The following NRP2 variants were observed in gnomAD, a reference collection of about 807,000 sequenced individuals.
NRP2 encodes the protein neuropilin 2, also known as neuropilin-2.
NRP2 carries 52 observed loss-of-function variants against 110.4 expected under a neutral mutation model. The observed-to-expected ratio is 0.47, with a 90% confidence interval of 0.38 to 0.59. NRP2 has a LOEUF of 0.59. Among genes scored for constraint, NRP2 ranks in the 20% least tolerant of loss-of-function variants. The probability of loss-of-function intolerance (pLI) is 0.00; values close to 1 mark genes in which losing one functional copy is unlikely to be tolerated. For missense variants in NRP2, 1,049 were observed against 1,203.0 expected, an observed-to-expected ratio of 0.87 and a Z score of 1.89; for synonymous variants, 508 against 468.9, an observed-to-expected ratio of 1.08 and a Z score of -1.08.
At chr2:205,784,113 A>T (rs2058209674) in intron 15 of NRP2, among the ~76,000 whole-genome samples, 1 of 152,198 alleles carries the variant, frequency 6.6e-6, no homozygotes, top group South Asian at 2.1e-4. Context: ...CTGCTCCAGA[A>T]TTGGAATGAT....
At chr2:205,791,068 A>G (rs2058296030) in intron 15 of NRP2, among the ~76,000 whole-genome samples, 1 of 152,226 alleles carries the variant, frequency 6.6e-6, no homozygotes, top group Admixed American at 6.5e-5. Context: ...CTGAATTTCA[A>G]ATGTGACAGT....
intron 2 of NRP2, among the ~76,000 whole-genome samples, chr2:205,708,608 G>C (rs970263615): frequency 6.6e-6 from 1 of 152,170 alleles, no homozygotes; most frequent in Admixed American, 6.5e-5. Flanking sequence ...CACCATCATC[G>C]CAGGGCCTTT....
At chr2:205,728,650 G>A (rs1294922963) in intron 7 of NRP2, among the ~76,000 whole-genome samples, 2 of 152,218 alleles carry the variant, frequency 1.3e-5, no homozygotes, top group East Asian at 3.8e-4. Flanking sequence ...GGTGATGTGG[G>A]GCTTTTGTTG....
chr2:205,752,991 G>A lies in NRP2; in HGVS notation c.2044+16G>A, dbSNP rs1432638269. 3.1e-6 allele frequency: 5 copies of A among 1,612,674 alleles called. No individual in the cohort carries two copies. The highest frequency in any genetic ancestry group is 4.2e-6 in the Non-Finnish European group (5 of 1,179,938). The stretch of plus-strand genomic sequence containing the variant: ...ACGTTTCCAGGTAAGCCAGCTGTGA[G>A]TGAAGATATGAAAGAGTTAAGGCCA... On this transcript the variant is annotated intron_variant, in intron 12 of 16. Coordinates refer to ENST00000357785, the MANE Select transcript of NRP2 (RefSeq NM_003872.3).
At chr2:205,749,502 G>T (rs1211880148) in intron 10 of NRP2, among the ~76,000 whole-genome samples, 2 of 152,104 alleles carry the variant, frequency 1.3e-5, no homozygotes, top group African/African-American at 2.4e-5. Flanking sequence ...ATGTGGGTTT[G>T]TGTCCCTACC....
chr2:205,709,783 C>T (rs1452575112), intron 2 of NRP2, among the ~76,000 whole-genome samples: 1 of 152,126 alleles, frequency 6.6e-6, no homozygotes, highest in Non-Finnish European at 1.5e-5. Context: ...GAGAAATCCC[C>T]GCATTTAAGA....
chr2:205,736,299 G>A (rs1300484229), intron 7 of NRP2, among the ~76,000 whole-genome samples: 5 of 152,110 alleles, frequency 3.3e-5, no homozygotes, highest in Admixed American at 6.5e-5. Context: ...CCAAGATTGT[G>A]CCACTGCACT....
chr2:205,770,519 C>G (rs2058004653), intron 15 of NRP2, among the ~76,000 whole-genome samples: 1 of 152,150 alleles, frequency 6.6e-6, no homozygotes, highest in African/African-American at 2.4e-5. Flanking sequence ...CCCTCACCCT[C>G]TATTGCCTGC....
intron 1 of NRP2, among the ~76,000 whole-genome samples, chr2:205,689,065 A>G (rs2056246515): frequency 6.6e-6 from 1 of 152,214 alleles, no homozygotes; most frequent in South Asian, 2.1e-4. Context: ...CCCAGCCTCA[A>G]ACACATCTCT....
Position 205,740,595 on chromosome 2 carries a change from G to C in NRP2, c.1223G>C (p.Arg408Thr), listed in dbSNP as rs1053792562. 1 of 1,614,244 alleles carries C rather than the reference G, an allele frequency of 6.2e-7. No homozygotes were observed. Among genetic ancestry groups the C allele is most frequent in the African/African-American group, 1.3e-5 (1 of 75,060 alleles). Residue 408 changes from arginine to threonine, a missense_variant, in exon 8 of 17, where the codon AGA becomes ACA. Physicochemically the swap from Arg to Thr is moderately conservative, Grantham distance 71. Coordinates refer to ENST00000357785, the MANE Select transcript of NRP2 (RefSeq NM_003872.3). ...GCTCCACTGCTGACAAGGTTTGTTA[G>C]AATCCGCCCTCAGACCTGGCACTCA... ...LHAPLLTRFV[R>T]IRPQTWHSGI...
rs373416723 is a variant in NRP2, at chr2:205,792,217, A to G, written c.2426-18A>G. On this transcript the variant is annotated intron_variant, in intron 15 of 16. Transcript: ENST00000357785. The stretch of plus-strand genomic sequence containing the variant: ...TAGAACTTGTTATTAACTTGTTTTT[A>G]TTTTCTTTATATTATAGTGGACATC... 10 of 1,547,268 alleles carry G rather than the reference A, an allele frequency of 6.5e-6. No individual in the cohort carries two copies. In the African/African-American group the frequency reaches 1.2e-4, roughly 19 times the overall value.
At chr2:205,778,159 TC>T (rs1420119946) in intron 15 of NRP2, 4 of 152,044 alleles carry the variant, frequency 2.6e-5, no homozygotes, top group African/African-American at 9.7e-5. Flanking sequence ...TAAAATTCAC[TC>T]CAAAGAAGTT....
At chr2:205,746,705 C>T (rs909619660) in intron 10 of NRP2, among the ~76,000 whole-genome samples, 1 of 152,200 alleles carries the variant, frequency 6.6e-6, no homozygotes, top group Non-Finnish European at 1.5e-5. Context: ...TGCCCTCCTC[C>T]GCCAGAGCCC....
intron 12 of NRP2, among the ~76,000 whole-genome samples, chr2:205,758,566 C>T (rs2057770803): frequency 6.6e-6 from 1 of 152,208 alleles, no homozygotes; most frequent in Non-Finnish European, 1.5e-5. Flanking sequence ...TCTGTACTTC[C>T]TCTTCACCCT....
At chr2:205,689,410 G>A (rs886148200) in intron 1 of NRP2, among the ~76,000 whole-genome samples, 1 of 152,168 alleles carries the variant, frequency 6.6e-6, no homozygotes, top group African/African-American at 2.4e-5. Context: ...AATACTGTTT[G>A]GCACATATGA....
chr2:205,690,049 C>T (rs2056275174), intron 1 of NRP2, among the ~76,000 whole-genome samples: 1 of 152,176 alleles, frequency 6.6e-6, no homozygotes, highest in Non-Finnish European at 1.5e-5. Context: ...GCTGAGTGCA[C>T]GTGGCCGTGG....
In NRP2 at chr2:205,722,721, A is replaced by C; in HGVS notation, c.664+13A>C. On this transcript the variant is annotated intron_variant, in intron 4 of 16. Coordinates refer to ENST00000357785, the MANE Select transcript of NRP2 (RefSeq NM_003872.3). ...GGCATTCCACATGGTGAGTGATGTC[A>C]TGAGGCATTCCTCAGTAGCTTGGCC... 51 of 1,601,762 alleles carry C rather than the reference A, an allele frequency of 3.2e-5. No individual in the cohort carries two copies. The highest frequency in any genetic ancestry group is 3.9e-5 in the Non-Finnish European group (45 of 1,168,748).
chr2:205,683,688 A>T (rs546538487), intron 1 of NRP2, among the ~76,000 whole-genome samples: 17 of 152,084 alleles, frequency 1.1e-4, no homozygotes, highest in African/African-American at 2.7e-4. Flanking sequence ...GTTTTTGGGA[A>T]TTTTTTTTCC....
chr2:205,772,734 T>A (rs1033499028), intron 15 of NRP2, among the ~76,000 whole-genome samples: 2 of 152,228 alleles, frequency 1.3e-5, no homozygotes, highest in African/African-American at 4.8e-5. Flanking sequence ...CCCAGGCTCC[T>A]TTTTTGTCAA....
Sources: allele counts gnomAD v4.1 joint callset (sites outside exome capture counted in the v4.1 genomes callset), GRCh38; gene constraint gnomAD v4.1.1; transcripts MANE v1.5; gene names NCBI Gene and HGNC (gene_info 2026-07-23, HGNC 2026-07-21).